Variants in IMMP2L observed in about 807,000 individuals in gnomAD.
IMMP2L encodes inner mitochondrial membrane peptidase subunit 2.
In IMMP2L, 18 loss-of-function variants were observed where a neutral mutation model predicts 19.3. The ratio of observed to expected loss-of-function variants is 0.93; its 90% CI spans 0.64 to 1.38. The LOEUF is 1.38. IMMP2L is among the 40% of genes most tolerant of loss of function. The pLI is 0.00. For synonymous variants in IMMP2L, 76 were observed against 73.0 expected (o/e 1.04, Z -0.21); for missense variants, 233 against 218.2 (o/e 1.07, Z -0.43).
chr7:110,676,172 T>G (rs538960789), intron 5 of IMMP2L, among the ~76,000 whole-genome samples: 6 of 152,248 alleles, frequency 3.9e-5, no homozygotes, highest in African/African-American at 7.2e-5. Flanking sequence ...TCTTCTGTGA[T>G]GTTATGTAAT....
chr7:110,970,399 A>T (rs2129556474), intron 3 of IMMP2L, among the ~76,000 whole-genome samples: 1 of 152,276 alleles, frequency 6.6e-6, no homozygotes, highest in Non-Finnish European at 1.5e-5. Context: ...GCACAGAAAC[A>T]ATATACAGCA....
intron 3 of IMMP2L, among the ~76,000 whole-genome samples, chr7:111,256,594 C>T (rs1222733908): frequency 1.3e-5 from 2 of 152,012 alleles, no homozygotes; most frequent in African/African-American, 4.8e-5. Context: ...CTCATTCTCA[C>T]CACAGATTTT....
chr7:110,688,059 G>A (rs954663698), intron 5 of IMMP2L, among the ~76,000 whole-genome samples: 3 of 151,962 alleles, frequency 2.0e-5, no homozygotes, highest in Admixed American at 6.6e-5. Flanking sequence ...ATGTCACATG[G>A]AAATCGAGAG....
intron 3 of IMMP2L, among the ~76,000 whole-genome samples, chr7:111,446,658 C>T (rs1838473174): frequency 1.3e-5 from 2 of 152,192 alleles, no homozygotes; most frequent in Admixed American, 1.3e-4. Flanking sequence ...GCCTCTCCTC[C>T]TCCAAAGGAA....
intron 4 of IMMP2L, among the ~76,000 whole-genome samples, chr7:110,939,979 T>A (rs1816558278): frequency 6.6e-6 from 1 of 152,146 alleles, no homozygotes; most frequent in Non-Finnish European, 1.5e-5. Context: ...AGTCTCCTTA[T>A]CTGGAAATAA....
At chr7:110,823,301 T>A (rs1803198032) in intron 5 of IMMP2L, among the ~76,000 whole-genome samples, 1 of 152,070 alleles carries the variant, frequency 6.6e-6, no homozygotes, top group South Asian at 2.1e-4. Context: ...ACCTAACTCC[T>A]ATATTATAAA....
At chr7:111,498,165 G>A (rs1413207881) in intron 2 of IMMP2L, among the ~76,000 whole-genome samples, 1 of 151,928 alleles carries the variant, frequency 6.6e-6, no homozygotes, top group Non-Finnish European at 1.5e-5. Flanking sequence ...CAACTAGATT[G>A]CAAGGTTCAA....
intron 3 of IMMP2L, among the ~76,000 whole-genome samples, chr7:111,053,621 A>G (rs1429287439): frequency 6.6e-6 from 1 of 152,186 alleles, no homozygotes; most frequent in African/African-American, 2.4e-5. Context: ...GTTGCCTGAC[A>G]TTCCTGGTGG....
intron 3 of IMMP2L, among the ~76,000 whole-genome samples, chr7:111,309,647 T>C (rs1487939572): frequency 6.6e-6 from 1 of 152,138 alleles, no homozygotes; most frequent in Non-Finnish European, 1.5e-5. Flanking sequence ...AAAAAGATCA[T>C]ATGCTTATTT....
At chr7:111,485,416 G>A (rs1291356041) in intron 3 of IMMP2L, among the ~76,000 whole-genome samples, 2 of 151,668 alleles carry the variant, frequency 1.3e-5, no homozygotes, top group African/African-American at 4.8e-5. Context: ...TGGCTAACAC[G>A]GTGAAACCCG....
intron 3 of IMMP2L, among the ~76,000 whole-genome samples, chr7:111,047,398 G>C (rs1222533258): frequency 2.0e-5 from 3 of 151,974 alleles, no homozygotes; most frequent in African/African-American, 7.3e-5. Flanking sequence ...ATGTTGGTCA[G>C]GCTGGTCTCG....
At chr7:111,490,455 A>C (rs989761446) in intron 2 of IMMP2L, among the ~76,000 whole-genome samples, 1 of 151,498 alleles carries the variant, frequency 6.6e-6, no homozygotes, top group Non-Finnish European at 1.5e-5. Context: ...CCCTTTTCCC[A>C]GTCAACCAGT....
At chr7:111,065,525 A>T (rs1794409347) in intron 3 of IMMP2L, among the ~76,000 whole-genome samples, 1 of 152,050 alleles carries the variant, frequency 6.6e-6, no homozygotes, top group South Asian at 2.1e-4. Flanking sequence ...GCCAAAGGAG[A>T]TTAACATTTG....
chr7:111,495,854 T>C (rs957510205), intron 2 of IMMP2L, among the ~76,000 whole-genome samples: 8 of 152,160 alleles, frequency 5.3e-5, no homozygotes, highest in Non-Finnish European at 1.2e-4. Flanking sequence ...TTCAGGCTTA[T>C]AAAAAGCACC....
chr7:111,338,293 G>C (rs1187698713), intron 3 of IMMP2L, among the ~76,000 whole-genome samples: 4 of 152,026 alleles, frequency 2.6e-5, no homozygotes, highest in Non-Finnish European at 1.5e-5. Flanking sequence ...GGAAAGAAAT[G>C]CTATTGCTAT....
intron 3 of IMMP2L, among the ~76,000 whole-genome samples, chr7:111,102,037 G>A (rs936179336): frequency 2.1e-4 from 32 of 150,946 alleles, no homozygotes; most frequent in Non-Finnish European, 3.6e-4. Flanking sequence ...AGAAACTGCC[G>A]CCAATATGAT....
At position 111,242,360 on chromosome 7, in the gene IMMP2L, T is replaced by C. The variant is rs563164411; in HGVS notation, c.239+244878A>G. Among the ~76,000 whole-genome samples the C allele has an allele frequency of 7.0e-4, 106 of 152,176 alleles. 1 individual carries two copies. In the Middle Eastern group the frequency reaches 0.02, roughly 29 times the overall value. On this transcript the variant is annotated intron_variant, in intron 3 of 5. Transcript: ENST00000405709. Reference sequence around the variant, plus strand: ...GCACTCCTAACTGAAGTCCAATTTGTTTGTGGAATTGCAGTCATTTTGATT... The same window carrying C: ...GCACTCCTAACTGAAGTCCAATTTGCTTGTGGAATTGCAGTCATTTTGATT...
At chr7:111,175,785 A>G (rs1000692345) in intron 3 of IMMP2L, among the ~76,000 whole-genome samples, 7 of 151,942 alleles carry the variant, frequency 4.6e-5, no homozygotes, top group Admixed American at 4.6e-4. Context: ...ATGGGGTCAC[A>G]TCAAGTTAGA....
At chr7:111,272,045 GT>G in intron 3 of IMMP2L, among the ~76,000 whole-genome samples, 1 of 152,082 alleles carries the variant, frequency 6.6e-6, no homozygotes, top group Non-Finnish European at 1.5e-5. Context: ...CACCCGATCT[GT>G]TTTCTGTAAT....
Sources: allele counts gnomAD v4.1 joint callset (sites outside exome capture counted in the v4.1 genomes callset), GRCh38; gene constraint gnomAD v4.1.1; transcripts MANE v1.5; gene names NCBI Gene and HGNC (gene_info 2026-07-23, HGNC 2026-07-21).